Variants in PDCD11 observed in about 807,000 individuals in gnomAD.
PDCD11 encodes the protein programmed cell death 11.
In PDCD11, 97 loss-of-function variants were observed where a neutral mutation model predicts 198.9. The observed-to-expected ratio is 0.49, with a 90% CI of 0.41 to 0.58. The LOEUF (loss-of-function observed/expected upper bound fraction) is 0.58. Among genes scored for constraint, PDCD11 ranks in the 20% least tolerant of loss-of-function variants. The probability of loss-of-function intolerance (pLI) is 0.00; values close to 1 mark genes in which losing one functional copy is unlikely to be tolerated. For missense variants in PDCD11, 2,102 were observed against 2,312.7 expected (o/e 0.91, Z 1.87); for synonymous variants, 893 against 918.0 (o/e 0.97, Z 0.49).
intron 20 of PDCD11, among the ~76,000 whole-genome samples, chr10:103,426,623 C>T (rs969822444): frequency 2.6e-5 from 4 of 151,858 alleles, no homozygotes; most frequent in Non-Finnish European, 5.9e-5. Flanking sequence ...GGTGAAACCC[C>T]GTCTACTGAA....
At chr10:103,437,737 C>T (rs1383330593) in intron 25 of PDCD11, among the ~76,000 whole-genome samples, 1 of 152,172 alleles carries the variant, frequency 6.6e-6, no homozygotes. Flanking sequence ...ATCCGCCTAC[C>T]TCAGCCTCCC....
At chr10:103,434,084 C>A in intron 23 of PDCD11, 47 bp downstream of exon 23, 2 of 1,486,128 alleles carry the variant, frequency 1.3e-6, no homozygotes, top group Non-Finnish European at 1.9e-6. Context: ...GTTCCCTAAG[C>A]TTGGCCCAGT....
chr10:103,400,959 T>A (rs2030003746), intron 3 of PDCD11, among the ~76,000 whole-genome samples: 1 of 152,136 alleles, frequency 6.6e-6, no homozygotes, highest in Admixed American at 6.6e-5. Context: ...CTTGCTATTT[T>A]GCCCAGGTTG....
At chr10:103,406,389 C>G (rs1221366665) in intron 6 of PDCD11, among the ~76,000 whole-genome samples, 1 of 152,180 alleles carries the variant, frequency 6.6e-6, no homozygotes, top group East Asian at 1.9e-4. Flanking sequence ...CCAGCAGTCT[C>G]CTGGCTTGTG....
At position 103,398,268 on chromosome 10, in the gene PDCD11, CG is replaced by C. The variant is rs1592106952; in HGVS notation, c.-11-145del. 1.3e-5 allele frequency: 8 copies of C among 594,252 alleles called. No homozygotes were observed. In the East Asian group the frequency reaches 2.2e-4, roughly 17 times the overall value. 36.8% of individuals were successfully genotyped at this position (594,252 alleles called of 1,614,324 possible). On this transcript the variant is annotated intron_variant, in intron 1 of 35. Transcript: ENST00000369797. Reference sequence around the variant, plus strand: ...TGGAAAGATGAAGTATGGATTATTCCGGGCCTGACATCTAAACCATCTATGT... The same window carrying C: ...TGGAAAGATGAAGTATGGATTATTCCGGCCTGACATCTAAACCATCTATGT...
intron 21 of PDCD11, among the ~76,000 whole-genome samples, chr10:103,429,659 C>T (rs1241775924): frequency 6.6e-6 from 1 of 152,114 alleles, no homozygotes; most frequent in African/African-American, 2.4e-5. Flanking sequence ...ATAACACATA[C>T]ATTTACCCTC....
chr10:103,443,270 C>T lies in PDCD11; in HGVS notation c.5061C>T (p.Tyr1687=). The T allele has an allele frequency of 6.2e-7, 1 of 1,613,006 alleles. No homozygotes were observed. The highest frequency in any genetic ancestry group is 1.1e-5 in the South Asian group (1 of 91,046). Residue 1687 remains tyrosine (Y), a synonymous_variant, in exon 33 of 36, where the codon TAC becomes TAT. Coordinates refer to ENST00000369797, the MANE Select transcript of PDCD11 (RefSeq NM_014976.2). ...AGGTCTTTGAGCGAGCCGTGCAGTA[C>T]AACGAGCCTCTCAAAGTCTTTCTCC... is the stretch of plus-strand genomic sequence containing the variant. ...LTKVFERAVQ[Y]NEPLKVFLHL...
chr10:103,425,711 A>G (rs955739296), intron 20 of PDCD11, among the ~76,000 whole-genome samples, 186 bp downstream of exon 20: 1 of 151,590 alleles, frequency 6.6e-6, no homozygotes, highest in African/African-American at 2.4e-5. Context: ...ACGGAGTCTC[A>G]CTCTGTTGCC....
intron 3 of PDCD11, 107 bp downstream of exon 3, chr10:103,400,635 C>T: frequency 8.8e-7 from 1 of 1,135,864 alleles, no homozygotes; most frequent in African/African-American, 1.6e-5. Context: ...CCATTTTCCC[C>T]TTAATATATT....
intron 8 of PDCD11, among the ~76,000 whole-genome samples, chr10:103,410,765 G>A (rs1271027782): frequency 2.0e-5 from 3 of 151,690 alleles, no homozygotes; most frequent in Admixed American, 6.6e-5. Flanking sequence ...GTGCCACAAT[G>A]CCTGGCTAGT....
chr10:103,406,153 A>C, intron 6 of PDCD11, 45 bp downstream of exon 6: 1 of 1,599,508 alleles, frequency 6.3e-7, no homozygotes, highest in Non-Finnish European at 8.5e-7. Context: ...GAGGTGGTAC[A>C]TGTGGGGATT....
intron 3 of PDCD11, among the ~76,000 whole-genome samples, chr10:103,402,088 G>C (rs1156701458): frequency 6.6e-6 from 1 of 152,170 alleles, no homozygotes; most frequent in African/African-American, 2.4e-5. Flanking sequence ...CTGGCTTCTT[G>C]TAAAAATTTG....
At chr10:103,432,648 G>A (rs1056640853) in intron 22 of PDCD11, among the ~76,000 whole-genome samples, 7 of 152,212 alleles carry the variant, frequency 4.6e-5, no homozygotes, top group Non-Finnish European at 8.8e-5. Flanking sequence ...AAGGAAAGCA[G>A]CCTGTACTGG....
In PDCD11 at chr10:103,423,154, T is replaced by C. The variant is rs2031535949; in HGVS notation, c.2647+17T>C. 2 of 1,537,132 alleles carry C rather than the reference T, an allele frequency of 1.3e-6. No individual in the cohort carries two copies. Among genetic ancestry groups the C allele is most frequent in the Middle Eastern group, 1.7e-4 (1 of 5,760 alleles). The stretch of plus-strand genomic sequence containing the variant: ...ATCGCGCAGGTGAGTGCTTCTGTCT[T>C]ACCCATTGTGGTTGGTGGGAGGACC... On this transcript the variant is annotated intron_variant, in intron 18 of 35. Coordinates refer to ENST00000369797, the MANE Select transcript of PDCD11 (RefSeq NM_014976.2).
chr10:103,409,863 A>G (rs558988018), intron 8 of PDCD11, 57 bp downstream of exon 8: 1 of 1,262,828 alleles, frequency 7.9e-7, no homozygotes, highest in African/African-American at 1.5e-5. Flanking sequence ...TTTGCTGTCC[A>G]GTATCACAGC....
intron 1 of PDCD11, among the ~76,000 whole-genome samples, chr10:103,397,018 T>C (rs2093439686): frequency 6.6e-6 from 1 of 152,054 alleles, no homozygotes. Flanking sequence ...CCCCAAACTT[T>C]CCTGTTTCTA....
chr10:103,444,170 G>A, intron 34 of PDCD11, 102 bp downstream of exon 34: 5 of 980,074 alleles, frequency 5.1e-6, no homozygotes, highest in Non-Finnish European at 7.5e-6. Context: ...AGCCTTGTGA[G>A]GGCTTTCCTC....
rs571182428 is a variant in PDCD11, at chr10:103,444,078, C to T, written c.5278+10C>T. On this transcript the variant is annotated intron_variant, in intron 34 of 35. Coordinates refer to ENST00000369797, the MANE Select transcript of PDCD11 (RefSeq NM_014976.2). ...CTGCCTAGCAAGGAGCGTGAGTGCT[C>T]ATTCCCAGCTCCTGAGCCCATGAGC... The T allele has an allele frequency of 1.2e-6, 2 of 1,608,330 alleles. No individual in the cohort carries two copies. Among genetic ancestry groups the T allele is most frequent in the South Asian group, 1.1e-5 (1 of 90,814 alleles).
chr10:103,416,804 G>A, intron 13 of PDCD11, 62 bp downstream of exon 13: 1 of 1,570,932 alleles, frequency 6.4e-7, no homozygotes, highest in Non-Finnish European at 8.7e-7. Flanking sequence ...CAAATATGAA[G>A]GAGCAGTAAG....
Sources: gnomAD v4.1 joint callset for allele counts (sites outside exome capture counted in the v4.1 genomes callset) on GRCh38, gnomAD v4.1.1 for gene constraint, MANE v1.5 for transcripts, NCBI Gene and HGNC (gene_info 2026-07-23, HGNC 2026-07-21) for gene names.